The following LRP1B variants were observed in gnomAD, a reference collection of about 807,000 sequenced individuals.
The protein encoded by LRP1B is LDL receptor related protein 1B.
In LRP1B, 217 loss-of-function variants were observed where a neutral mutation model predicts 556.6. The ratio of observed to expected loss-of-function variants is 0.39; its 90% CI spans 0.35 to 0.44. The LOEUF (loss-of-function observed/expected upper bound fraction) is 0.44, where lower values mean the gene tolerates loss of function less well. Ranked by LOEUF, LRP1B falls within the 20% of genes least tolerant of loss-of-function variation. The pLI is 1.00. For missense variants in LRP1B, 5,053 were observed against 5,620.8 expected (o/e 0.90, Z 3.23); for synonymous variants, 2,047 against 1,865.8 (o/e 1.10, Z -2.50).
intron 43 of LRP1B, among the ~76,000 whole-genome samples, chr2:140,590,883 C>T (rs191212460): frequency 1.4e-4 from 22 of 152,206 alleles, no homozygotes; most frequent in East Asian, 3.9e-4. Flanking sequence ...GTTCACTCTA[C>T]GCTTATCACT....
At chr2:142,041,723 A>G (rs1018067271) in intron 1 of LRP1B, among the ~76,000 whole-genome samples, 26 of 151,486 alleles carry the variant, frequency 1.7e-4, no homozygotes, top group Admixed American at 1.2e-3. Context: ...TTTAATTTTC[A>G]TTAACACAGT....
intron 31 of LRP1B, among the ~76,000 whole-genome samples, chr2:140,831,669 A>C: frequency 6.6e-6 from 1 of 152,196 alleles, no homozygotes; most frequent in East Asian, 1.9e-4. Context: ...AAAATAGCAA[A>C]TGGGATTATA....
chr2:140,290,814 A>C (rs541626481), intron 84 of LRP1B, among the ~76,000 whole-genome samples: 1 of 152,070 alleles, frequency 6.6e-6, no homozygotes, highest in African/African-American at 2.4e-5. Context: ...GTGAGTCTCT[A>C]AAAGTCGCAG....
At chr2:141,276,250 A>G (rs1306509244) in intron 3 of LRP1B, among the ~76,000 whole-genome samples, 3 of 151,746 alleles carry the variant, frequency 2.0e-5, no homozygotes, top group African/African-American at 7.3e-5. Flanking sequence ...CACTTACCAC[A>G]GTCTGTAAAT....
intron 1 of LRP1B, among the ~76,000 whole-genome samples, chr2:142,129,584 T>TTCTCTTTC (rs1707775640): frequency 7.4e-6 from 1 of 134,734 alleles, no homozygotes; most frequent in South Asian, 2.6e-4. Context: ...CTTTCTCTCT[T>TTCTCTTTC]TCTCTCTCTC....
intron 1 of LRP1B, among the ~76,000 whole-genome samples, chr2:142,079,765 C>T (rs1342496288): frequency 1.3e-5 from 2 of 152,178 alleles, no homozygotes; most frequent in Non-Finnish European, 2.9e-5. Flanking sequence ...TCACCTTGGC[C>T]TCCCAAAGTG....
chr2:141,210,428 C>T (rs1682492106), intron 6 of LRP1B, among the ~76,000 whole-genome samples: 1 of 152,150 alleles, frequency 6.6e-6, no homozygotes, highest in Non-Finnish European at 1.5e-5. Context: ...GTTCACTTTT[C>T]TATCTTTACT....
At chr2:140,511,292 CTTTTTTT>C (rs70985101) in intron 51 of LRP1B, among the ~76,000 whole-genome samples, 1 of 58,458 alleles carries the variant, frequency 1.7e-5, no homozygotes, top group Non-Finnish European at 3.0e-5. Context: ...CTCTAAGGGT[CTTTTTTT>C]TTTTTTTTTT....
chr2:140,234,940 A>T, intron 89 of LRP1B, 56 bp from the exon 90 acceptor site: 1 of 723,484 alleles, frequency 1.4e-6, no homozygotes, highest in South Asian at 1.5e-5. Context: ...ATCACTTTTC[A>T]TCGATACATA....
chr2:141,027,920 C>T (rs1307034474), intron 11 of LRP1B, among the ~76,000 whole-genome samples: 2 of 152,050 alleles, frequency 1.3e-5, no homozygotes, highest in African/African-American at 2.4e-5. Flanking sequence ...TCACCAGAAC[C>T]TGACCATGCT....
chr2:140,597,356 C>A (rs1682483727), intron 43 of LRP1B, among the ~76,000 whole-genome samples: 1 of 151,894 alleles, frequency 6.6e-6, no homozygotes, highest in South Asian at 2.1e-4. Flanking sequence ...TGGGGAAGTG[C>A]AAAATAGGTA....
chr2:140,868,265 T>TAAAAAA lies in LRP1B; in HGVS notation c.4170-8_4170-3dup. The TAAAAAA allele has an allele frequency of 6.2e-6, 8 of 1,296,084 alleles. No homozygotes were observed. Among genetic ancestry groups the TAAAAAA allele is most frequent in the South Asian group, 3.3e-5 (2 of 60,208 alleles). 80.3% of individuals were successfully genotyped at this position (1,296,084 alleles called of 1,614,324 possible). On this transcript the variant is annotated splice_polypyrimidine_tract_variant and splice_region_variant and intron_variant, in intron 25 of 90. Coordinates refer to ENST00000389484, the MANE Select transcript of LRP1B (RefSeq NM_018557.3). ...TCCCAGTCTGTCCAGAAAAGAATTCTAAAAAAAAAAAAAAAAAAAGAAATA... is the reference window on the plus strand; with the variant it reads ...TCCCAGTCTGTCCAGAAAAGAATTCTAAAAAAAAAAAAAAAAAAAAAAAAAGAAATA...
intron 3 of LRP1B, among the ~76,000 whole-genome samples, chr2:141,404,728 T>C (rs748199734): frequency 1.7e-4 from 26 of 152,302 alleles, no homozygotes; most frequent in Admixed American, 8.5e-4. Context: ...GGTACTGCCA[T>C]AGCAAGCTTT....
At chr2:141,756,363 T>C (rs1240159821) in intron 2 of LRP1B, among the ~76,000 whole-genome samples, 1 of 152,040 alleles carries the variant, frequency 6.6e-6, no homozygotes, top group Non-Finnish European at 1.5e-5. Context: ...ACCAGCACCA[T>C]GCAATTGAAA....
chr2:141,482,766 G>A (rs1417046650), intron 2 of LRP1B, among the ~76,000 whole-genome samples: 1 of 151,918 alleles, frequency 6.6e-6, no homozygotes, highest in Non-Finnish European at 1.5e-5. Flanking sequence ...TTAAAAACAT[G>A]CATCCTTGCA....
intron 29 of LRP1B, among the ~76,000 whole-genome samples, chr2:140,849,621 C>A (rs968413629): frequency 1.3e-5 from 2 of 151,862 alleles, no homozygotes; most frequent in African/African-American, 4.8e-5. Context: ...TTCACTGCAA[C>A]CTCCGCCTGC....
chr2:140,508,300 T>A (rs1689506525), intron 52 of LRP1B, among the ~76,000 whole-genome samples: 1 of 152,276 alleles, frequency 6.6e-6, no homozygotes, highest in Non-Finnish European at 1.5e-5. Context: ...TAGGATATTT[T>A]ACATAATATT....
intron 10 of LRP1B, among the ~76,000 whole-genome samples, chr2:141,053,424 AC>A (rs1397949493): frequency 6.6e-6 from 1 of 151,910 alleles, no homozygotes; most frequent in Non-Finnish European, 1.5e-5. Flanking sequence ...ATCAGATGAG[AC>A]TTAACTCTAC....
Position 141,757,880 on chromosome 2 carries a change from C to A in LRP1B, c.205+52399G>T, listed in dbSNP as rs564149356. On this transcript the variant is annotated intron_variant, in intron 2 of 90. Transcript: ENST00000389484. ...TCAGTTTTTCTTCCTAAACAGAGCC[C>A]CATAGCTTATTAATTCAGCGTTTTT... Among the ~76,000 whole-genome samples the A allele has an allele frequency of 6.0e-3, 527 of 88,066 alleles. 1 individual carries two copies. The highest frequency in any genetic ancestry group is 0.02 in the African/African-American group (488 of 24,448). The allele number at this position is 88,066 out of a possible 152,430, so 57.8% of individuals were successfully genotyped here.
Sources: allele counts gnomAD v4.1 joint callset (sites outside exome capture counted in the v4.1 genomes callset), GRCh38; gene constraint gnomAD v4.1.1; transcripts MANE v1.5; gene names NCBI Gene and HGNC (gene_info 2026-07-23, HGNC 2026-07-21).